Variants in TIAM1 observed in about 807,000 individuals in gnomAD.
TIAM1 encodes the protein rho guanine nucleotide exchange factor TIAM1.
TIAM1 carries 65 observed loss-of-function variants against 163.5 expected under a neutral mutation model. The ratio of observed to expected loss-of-function variants is 0.40; its 90% CI spans 0.33 to 0.49. TIAM1 has a LOEUF of 0.49. Ranked by LOEUF, TIAM1 falls within the 20% of genes least tolerant of loss-of-function variation. The pLI, the probability that TIAM1 is intolerant of heterozygous loss-of-function variation, is 0.77. For synonymous variants in TIAM1, 833 were observed against 810.1 expected, an observed-to-expected ratio of 1.03 and a Z score of -0.48; for missense variants, 1,789 against 2,044.7, an observed-to-expected ratio of 0.87 and a Z score of 2.41.
At chr21:31,162,076 T>C (rs867950062) in intron 16 of TIAM1, among the ~76,000 whole-genome samples, 1 of 152,188 alleles carries the variant, frequency 6.6e-6, no homozygotes, top group African/African-American at 2.4e-5. Context: ...ATGTTAACAA[T>C]CTGGACACAA....
At chr21:31,518,274 T>G (rs758577424) in intron 1 of TIAM1, among the ~76,000 whole-genome samples, 7 of 151,680 alleles carry the variant, frequency 4.6e-5, no homozygotes, top group Non-Finnish European at 1.0e-4. Flanking sequence ...ATGAGTGGGG[T>G]TTTTTTGTGG....
intron 10 of TIAM1, among the ~76,000 whole-genome samples, chr21:31,210,705 GA>G (rs2086791410): frequency 1.1e-4 from 10 of 89,834 alleles, no homozygotes; most frequent in African/African-American, 7.2e-4. Context: ...AAGAAAGAAA[GA>G]GAAAGAAAGA....
chr21:31,491,327 T>C (rs1379219563), intron 1 of TIAM1, among the ~76,000 whole-genome samples: 3 of 152,216 alleles, frequency 2.0e-5, no homozygotes, highest in Admixed American at 2.0e-4. Flanking sequence ...GTATGTTTGG[T>C]TGGGTGTTTT....
intron 2 of TIAM1, among the ~76,000 whole-genome samples, chr21:31,356,842 G>A (rs950376421): frequency 6.6e-6 from 1 of 152,170 alleles, no homozygotes; most frequent in Non-Finnish European, 1.5e-5. Flanking sequence ...CCATCTGGGC[G>A]CAGTGGCTCA....
At chr21:31,551,779 T>A (rs1301745466) in intron 1 of TIAM1, among the ~76,000 whole-genome samples, 1 of 151,890 alleles carries the variant, frequency 6.6e-6, no homozygotes, top group African/African-American at 2.4e-5. Flanking sequence ...TCAAAAAATG[T>A]GGAGAATGAA....
rs959831860 is a variant in TIAM1, at chr21:31,527,327, T to C, written c.-422+31600A>G. ...GAGAATGAGTAGGGTAAACTCAGGTTATCAGAATCTTAGAGGAGGCCCAGA... is the reference window on the plus strand; with the variant it reads ...GAGAATGAGTAGGGTAAACTCAGGTCATCAGAATCTTAGAGGAGGCCCAGA... On this transcript the variant is annotated intron_variant, in intron 1 of 28. Transcript: ENST00000286827. 2.6e-5 allele frequency among the ~76,000 whole-genome samples: 4 copies of C among 152,144 alleles called. No homozygotes were observed. The South Asian group carries it at 6.2e-4, about 24-fold the overall frequency.
At chr21:31,507,655 A>G (rs1004100928) in intron 1 of TIAM1, among the ~76,000 whole-genome samples, 5 of 152,218 alleles carry the variant, frequency 3.3e-5, no homozygotes, top group Admixed American at 2.0e-4. Context: ...ATCAATCATG[A>G]CCTAAAGTCA....
chr21:31,431,346 CT>C (rs762267489), intron 2 of TIAM1, among the ~76,000 whole-genome samples: 23 of 152,184 alleles, frequency 1.5e-4, no homozygotes, highest in Non-Finnish European at 2.9e-4. Context: ...GGCTATACCC[CT>C]AGAATTTCTG....
chr21:31,239,046 T>G (rs2071033450), intron 6 of TIAM1, among the ~76,000 whole-genome samples: 1 of 152,238 alleles, frequency 6.6e-6, no homozygotes, highest in Admixed American at 6.5e-5. Flanking sequence ...ATGTTACTGT[T>G]GCTGTCAGGT....
At chr21:31,164,868 G>C (rs2084129069) in intron 16 of TIAM1, 94 bp downstream of exon 16, 3 of 1,268,606 alleles carry the variant, frequency 2.4e-6, no homozygotes, top group Non-Finnish European at 3.4e-6. Flanking sequence ...TCCATGGAGA[G>C]GCCTGGTAAC....
At chr21:31,191,860 A>C (rs1291123171) in intron 13 of TIAM1, among the ~76,000 whole-genome samples, 1 of 152,244 alleles carries the variant, frequency 6.6e-6, no homozygotes, top group East Asian at 1.9e-4. Context: ...TGAATCACTC[A>C]ATCTTAGAAG....
chr21:31,164,920 C>T (rs927214077), intron 16 of TIAM1, 42 bp downstream of exon 16: 17 of 1,587,250 alleles, frequency 1.1e-5, no homozygotes, highest in Non-Finnish European at 1.5e-5. Flanking sequence ...TGTGATTCTT[C>T]AGTGGTTCAA....
intron 9 of TIAM1, among the ~76,000 whole-genome samples, chr21:31,214,062 T>C (rs901990282): frequency 2.6e-5 from 4 of 151,584 alleles, no homozygotes; most frequent in African/African-American, 9.7e-5. Flanking sequence ...TGGTGGCTCA[T>C]ATCTGCAATC....
At chr21:31,541,810 T>A (rs1712765645) in intron 1 of TIAM1, among the ~76,000 whole-genome samples, 1 of 152,232 alleles carries the variant, frequency 6.6e-6, no homozygotes, top group Admixed American at 6.5e-5. Flanking sequence ...TAAATGCATT[T>A]TATTGTTCTT....
intron 1 of TIAM1, among the ~76,000 whole-genome samples, chr21:31,489,982 T>C (rs1450372057): frequency 6.6e-6 from 1 of 152,222 alleles, no homozygotes; most frequent in Admixed American, 6.5e-5. Flanking sequence ...TATGAAAGTT[T>C]GTTCTAGGAA....
Position 31,267,953 on chromosome 21 carries a change from G to A in TIAM1, c.-11-970C>T, listed in dbSNP as rs117314818. On this transcript the variant is annotated intron_variant, in intron 3 of 27. Coordinates refer to ENST00000541036, the MANE Select transcript of TIAM1 (RefSeq NM_001353694.2). ...TTTTTACAGTCTCTCTCACTGACCCGATGACACAATTCTGTTACCCACAGT... is the reference window on the plus strand; with the variant it reads ...TTTTTACAGTCTCTCTCACTGACCCAATGACACAATTCTGTTACCCACAGT... Among the ~76,000 whole-genome samples the A allele has an allele frequency of 4.1e-4, 63 of 152,220 alleles. 1 individual carries two copies. The East Asian group carries it at 0.012, about 28-fold the overall frequency.
intron 1 of TIAM1, among the ~76,000 whole-genome samples, chr21:31,516,168 C>T (rs941576430): frequency 1.4e-4 from 20 of 142,058 alleles, no homozygotes; most frequent in East Asian, 4.3e-4. Context: ...TCCCAGCACT[C>T]TGAGAGGCCA....
intron 4 of TIAM1, among the ~76,000 whole-genome samples, chr21:31,257,978 A>C (rs1236157935): frequency 6.8e-6 from 1 of 147,898 alleles, no homozygotes; most frequent in African/African-American, 2.5e-5. Flanking sequence ...GCAACTCAGG[A>C]GCCAGCTCCC....
At chr21:31,486,272 A>C (rs1373674460) in intron 1 of TIAM1, among the ~76,000 whole-genome samples, 1 of 152,044 alleles carries the variant, frequency 6.6e-6, no homozygotes, top group Non-Finnish European at 1.5e-5. Flanking sequence ...AAAAATGAAA[A>C]CGCTCGCCCT....
Sources: allele counts gnomAD v4.1 joint callset (sites outside exome capture counted in the v4.1 genomes callset), GRCh38; gene constraint gnomAD v4.1.1; transcripts MANE v1.5; gene names NCBI Gene and HGNC (gene_info 2026-07-23, HGNC 2026-07-21).